Variants in RBMS3 observed in about 807,000 individuals in gnomAD.
RBMS3 encodes RNA-binding motif, single-stranded-interacting protein 3.
A neutral mutation model predicts 66.8 loss-of-function variants in RBMS3; 27 were observed. The ratio of observed to expected loss-of-function variants is 0.40; its 90% CI spans 0.30 to 0.56. The LOEUF (loss-of-function observed/expected upper bound fraction) is 0.56. RBMS3 is among the 20% of genes least tolerant of loss of function. RBMS3 has a pLI of 0.40. For missense variants in RBMS3, 513 were observed against 549.5 expected, an observed-to-expected ratio of 0.93 and a Z score of 0.66; for synonymous variants, 188 against 183.0, an observed-to-expected ratio of 1.03 and a Z score of -0.22.
At chr3:29,587,632 T>C (rs1236065133) in intron 4 of RBMS3, among the ~76,000 whole-genome samples, 1 of 151,708 alleles carries the variant, frequency 6.6e-6, no homozygotes, top group African/African-American at 2.4e-5. Flanking sequence ...CAACTTGTCT[T>C]TGATAAACTG....
chr3:29,620,184 C>T (rs1341642386), intron 4 of RBMS3, among the ~76,000 whole-genome samples: 2 of 152,098 alleles, frequency 1.3e-5, no homozygotes, highest in Non-Finnish European at 2.9e-5. Context: ...TCTTGGCTAG[C>T]ATGAACTTTT....
At chr3:29,981,645 T>C (rs2149783600) in intron 12 of RBMS3, among the ~76,000 whole-genome samples, 1 of 152,340 alleles carries the variant, frequency 6.6e-6, no homozygotes, top group Admixed American at 6.5e-5. Context: ...GAAGGGCTAT[T>C]GAATTTTGTT....
intron 3 of RBMS3, among the ~76,000 whole-genome samples, chr3:29,550,513 G>C (rs1248898182): frequency 1.3e-5 from 2 of 152,014 alleles, no homozygotes; most frequent in Non-Finnish European, 2.9e-5. Flanking sequence ...TATTCAAATA[G>C]TATAATAGTA....
intron 5 of RBMS3, among the ~76,000 whole-genome samples, chr3:29,751,620 G>A (rs1191778873): frequency 6.6e-6 from 1 of 152,176 alleles, no homozygotes; most frequent in Non-Finnish European, 1.5e-5. Flanking sequence ...AAATACATAG[G>A]TATTTTCCTG....
chr3:29,716,152 A>T (rs1237134167), intron 4 of RBMS3, among the ~76,000 whole-genome samples: 1 of 152,170 alleles, frequency 6.6e-6, no homozygotes, highest in African/African-American at 2.4e-5. Flanking sequence ...ATAAATTTGT[A>T]CAAATTTAGA....
intron 1 of RBMS3, among the ~76,000 whole-genome samples, chr3:29,402,269 T>C (rs749756247): frequency 3.7e-4 from 56 of 152,098 alleles, no homozygotes; most frequent in Non-Finnish European, 6.8e-4. Flanking sequence ...GGAGTATCTT[T>C]AACCAGGAAT....
At chr3:29,318,117 T>G (rs1355190380) in intron 1 of RBMS3, among the ~76,000 whole-genome samples, 1 of 151,952 alleles carries the variant, frequency 6.6e-6, no homozygotes, top group African/African-American at 2.4e-5. Flanking sequence ...AATTTCCTGT[T>G]TCTTTTTCTG....
chr3:29,915,221 T>A (rs1449584694), intron 10 of RBMS3, among the ~76,000 whole-genome samples: 1 of 151,922 alleles, frequency 6.6e-6, no homozygotes, highest in Non-Finnish European at 1.5e-5. Context: ...CTTTGCTGGA[T>A]AATCCCATCT....
chr3:29,455,816 A>G (rs1051922520), intron 2 of RBMS3, among the ~76,000 whole-genome samples: 1 of 151,922 alleles, frequency 6.6e-6, no homozygotes, highest in African/African-American at 2.4e-5. Flanking sequence ...AAAAAAAAAA[A>G]TCACAAAAAT....
chr3:29,891,350 CA>C (rs1300892713), intron 8 of RBMS3, among the ~76,000 whole-genome samples: 1 of 151,562 alleles, frequency 6.6e-6, no homozygotes, highest in African/African-American at 2.4e-5. Context: ...AAAATTAGAT[CA>C]ATATCACTTT....
chr3:29,462,067 G>A (rs574702178), intron 2 of RBMS3, among the ~76,000 whole-genome samples: 1 of 151,480 alleles, frequency 6.6e-6, no homozygotes, highest in African/African-American at 2.4e-5. Flanking sequence ...GAGCCACCGC[G>A]CCCGGCTCTA....
chr3:29,313,824 G>C (rs2034520798), intron 1 of RBMS3, among the ~76,000 whole-genome samples: 1 of 151,586 alleles, frequency 6.6e-6, no homozygotes, highest in African/African-American at 2.4e-5. Context: ...CACTTTTACA[G>C]TTGCTCTTGA....
chr3:29,545,373 A>T (rs1576182406), intron 3 of RBMS3, among the ~76,000 whole-genome samples: 1 of 152,108 alleles, frequency 6.6e-6, no homozygotes, highest in East Asian at 1.9e-4. Context: ...TAACTAGAAT[A>T]AAAAAACAGC....
In RBMS3 at chr3:29,879,406, T is replaced by C. The variant is rs540608283; in HGVS notation, c.745-4756T>C. On this transcript the variant is annotated intron_variant, in intron 7 of 14. Coordinates refer to ENST00000383767, the MANE Select transcript of RBMS3 (RefSeq NM_001003793.3). ...ATTTTTAATCTTAACAAGTGAACAG[T>C]TGTAAATATTGTTAAAATTGGCTGC... 6.0e-3 allele frequency among the ~76,000 whole-genome samples: 914 copies of C among 152,282 alleles called. 6 individuals carry two copies. Among genetic ancestry groups the C allele is most frequent in the South Asian group, 0.019 (94 of 4,822 alleles).
In RBMS3 at chr3:30,003,942, C is replaced by A; in HGVS notation, c.*80C>A. The A allele has an allele frequency of 8.2e-7, 1 of 1,220,776 alleles. No homozygotes were observed. Among genetic ancestry groups the A allele is most frequent in the Non-Finnish European group, 1.1e-6 (1 of 908,494 alleles). 75.6% of individuals were successfully genotyped at this position (1,220,776 alleles called of 1,614,324 possible). A position where few individuals can be genotyped will look rare whatever the true frequency, so the allele number is the denominator to read the frequency against. ...GAACAAGAAGTTGGCTTCCAGTTTG[C>A]ACAGACGTCAATGGAATGCATTTTT... On this transcript the variant is annotated 3_prime_UTR_variant, in exon 15 of 15. Coordinates refer to ENST00000383767, the MANE Select transcript of RBMS3 (RefSeq NM_001003793.3).
chr3:29,531,607 T>C lies in RBMS3; in HGVS notation c.307+43108T>C, dbSNP rs2045353777. Among the ~76,000 whole-genome samples the C allele has an allele frequency of 3.9e-5, 6 of 152,340 alleles. No homozygotes were observed. The South Asian group carries it at 1.2e-3, about 32-fold the overall frequency. On this transcript the variant is annotated intron_variant, in intron 3 of 14. Coordinates refer to ENST00000383767, the MANE Select transcript of RBMS3 (RefSeq NM_001003793.3). ...TAGAATACGAGACACTGATGTTCCATGTGTCCTTGTTTGCGGCGTCTGATG... is the reference window on the plus strand; with the variant it reads ...TAGAATACGAGACACTGATGTTCCACGTGTCCTTGTTTGCGGCGTCTGATG...
chr3:29,591,070 G>A (rs569260593), intron 4 of RBMS3, among the ~76,000 whole-genome samples: 197 of 152,218 alleles, frequency 1.3e-3, no homozygotes, highest in Middle Eastern at 3.4e-3. Flanking sequence ...ATGATTTCCC[G>A]CTTTCTTGTA....
At chr3:29,821,056 A>G (rs1396743192) in intron 6 of RBMS3, among the ~76,000 whole-genome samples, 1 of 152,182 alleles carries the variant, frequency 6.6e-6, no homozygotes, top group Non-Finnish European at 1.5e-5. Flanking sequence ...CTTCCTATAG[A>G]AGTGCAAATG....
At chr3:29,514,482 T>A (rs1235951502) in intron 3 of RBMS3, among the ~76,000 whole-genome samples, 1 of 151,762 alleles carries the variant, frequency 6.6e-6, no homozygotes, top group Non-Finnish European at 1.5e-5. Context: ...TGAATGGGAT[T>A]TACACATACG....
Sources: allele counts gnomAD v4.1 joint callset (sites outside exome capture counted in the v4.1 genomes callset), GRCh38; gene constraint gnomAD v4.1.1; transcripts MANE v1.5; gene names NCBI Gene and HGNC (gene_info 2026-07-23, HGNC 2026-07-21).